The following PTP4A1 variants were observed in gnomAD, a reference collection of about 807,000 sequenced individuals.
PTP4A1 encodes protein tyrosine phosphatase 4A1.
Under a neutral mutation model 20.5 loss-of-function variants are expected in PTP4A1, and 9 were observed. That is an observed-to-expected ratio of 0.44 (90% CI 0.26 to 0.77). The LOEUF is 0.77. PTP4A1 is among the 30% of genes least tolerant of loss of function. PTP4A1 has a pLI of 0.19. For synonymous variants in PTP4A1, 78 were observed against 67.4 expected (o/e 1.16, Z -0.77); for missense variants, 137 against 218.8 (o/e 0.63, Z 2.36).
At chr6:63,541,649 G>A (rs185385826) in intron 2 of PTP4A1, among the ~76,000 whole-genome samples, 125 of 152,254 alleles carry the variant, frequency 8.2e-4, no homozygotes, top group African/African-American at 2.9e-3. Flanking sequence ...CCCCTTGATT[G>A]ATGAACTTAC....
intron 3 of PTP4A1, among the ~76,000 whole-genome samples, chr6:63,564,003 G>A (rs1777076374): frequency 6.6e-6 from 1 of 152,172 alleles, no homozygotes; most frequent in Admixed American, 6.5e-5. Flanking sequence ...TATATTTAAT[G>A]GTGGCTCACG....
rs558527340 is a variant in PTP4A1, at chr6:63,580,860, C to T, written c.*686C>T. On this transcript the variant is annotated 3_prime_UTR_variant, in exon 6 of 6. Transcript: ENST00000626021. ...CAGAAGCACATGTCTTTAATGTCTT[C>T]AGACAAAAAAGCCTTACATTAATTT... 1 of 152,180 alleles carries T rather than the reference C, an allele frequency of 6.6e-6. No individual in the cohort carries two copies. Among genetic ancestry groups the T allele is most frequent in the African/African-American group, 2.4e-5 (1 of 41,290 alleles). The allele number at this position is 152,180 out of a possible 1,614,324, so 9.4% of individuals were successfully genotyped here.
chr6:63,543,480 A>T (rs1414965986), intron 2 of PTP4A1, among the ~76,000 whole-genome samples: 1 of 152,238 alleles, frequency 6.6e-6, no homozygotes, highest in Admixed American at 6.5e-5. Flanking sequence ...TATCTAACTT[A>T]TTCACCATTT....
At chr6:63,578,768 G>A (rs1407211231) in intron 3 of PTP4A1, 130 bp from the exon 4 acceptor site, 3 of 1,128,672 alleles carry the variant, frequency 2.7e-6, no homozygotes, top group Non-Finnish European at 3.6e-6. Context: ...TAGACAACAG[G>A]GTTTAATAAG....
chr6:63,572,786 C>A, intron 1 of PTP4A1, 67 bp downstream of exon 1: 1 of 397,970 alleles, frequency 2.5e-6, no homozygotes, highest in South Asian at 1.3e-4. Context: ...TCCCCGCTGT[C>A]GCCTTTGTTC....
chr6:63,577,622 TCTC>T (rs1243563782), intron 2 of PTP4A1, among the ~76,000 whole-genome samples: 1 of 152,114 alleles, frequency 6.6e-6, no homozygotes, highest in Non-Finnish European at 1.5e-5. Flanking sequence ...AGTGGCATGA[TCTC>T]AGCCCACTGC....
At chr6:63,577,024 A>G (rs1777908185) in intron 2 of PTP4A1, 39 bp downstream of exon 2, 1 of 1,493,296 alleles carries the variant, frequency 6.7e-7, no homozygotes, top group Non-Finnish European at 9.3e-7. Flanking sequence ...AATTGATTGC[A>G]ATATAATAGT....
chr6:63,572,937 G>A (rs891333573), intron 1 of PTP4A1, among the ~76,000 whole-genome samples: 2 of 152,176 alleles, frequency 1.3e-5, no homozygotes, highest in Non-Finnish European at 2.9e-5. Flanking sequence ...GGGCTGCGGG[G>A]TGGCGGTTGG....
At chr6:63,532,881 T>A (rs1025958808) in intron 2 of PTP4A1, among the ~76,000 whole-genome samples, 2 of 152,232 alleles carry the variant, frequency 1.3e-5, no homozygotes, top group Non-Finnish European at 2.9e-5. Context: ...GATCAAATTA[T>A]ATCTGCTTTT....
At chr6:63,579,362 T>C in intron 5 of PTP4A1, 31 bp downstream of exon 5, 1 of 1,502,798 alleles carries the variant, frequency 6.7e-7, no homozygotes, top group Non-Finnish European at 9.1e-7. Flanking sequence ...TCATTTGTAC[T>C]CTCTTTCATT....
At chr6:63,560,394 C>A (rs1581936673) in intron 3 of PTP4A1, among the ~76,000 whole-genome samples, 1 of 142,736 alleles carries the variant, frequency 7.0e-6, no homozygotes. Context: ...AAAAACAAAA[C>A]ACAAAGCCTT....
Position 63,579,058 on chromosome 6 carries a change from TAA to T in PTP4A1, c.329+34_329+35del, listed in dbSNP as rs1363817254. On this transcript the variant is annotated intron_variant, in intron 4 of 5. Transcript: ENST00000626021. Reference sequence around the variant, plus strand: ...ATGAATTTATCAATTTGATTCTAGGTAAAAATCTATTGATAATGAAAATACAG... The same window carrying T: ...ATGAATTTATCAATTTGATTCTAGGTAAATCTATTGATAATGAAAATACAG... 4.5e-6 allele frequency: 7 copies of T among 1,540,292 alleles called. No homozygotes were observed. In the Admixed American group the frequency reaches 1.6e-4, roughly 35 times the overall value.
At chr6:63,563,675 A>G (rs1424799507) in intron 3 of PTP4A1, among the ~76,000 whole-genome samples, 4 of 152,222 alleles carry the variant, frequency 2.6e-5, no homozygotes, top group African/African-American at 9.6e-5. Flanking sequence ...AGTGCCTGGC[A>G]TATGCTAGGC....
At chr6:63,556,748 TA>T (rs1345625076) in intron 3 of PTP4A1, among the ~76,000 whole-genome samples, 1 of 152,206 alleles carries the variant, frequency 6.6e-6, no homozygotes, top group Non-Finnish European at 1.5e-5. Flanking sequence ...TTTCAAAGAA[TA>T]AAAAGTATGA....
At chr6:63,535,143 T>G (rs1299323132) in intron 2 of PTP4A1, among the ~76,000 whole-genome samples, 1 of 151,994 alleles carries the variant, frequency 6.6e-6, no homozygotes, top group Admixed American at 6.6e-5. Flanking sequence ...GTGGTCCCTG[T>G]GGATGAAGAA....
chr6:63,548,806 G>A (rs149589978), intron 2 of PTP4A1: 31 of 735,684 alleles, frequency 4.2e-5, no homozygotes, highest in African/African-American at 3.1e-4. Flanking sequence ...CCCCAGTGAC[G>A]GCGGATCTCA....
At chr6:63,526,634 CCT>C (rs1775190586) in intron 1 of PTP4A1, among the ~76,000 whole-genome samples, 1 of 151,408 alleles carries the variant, frequency 6.6e-6, no homozygotes, top group African/African-American at 2.4e-5. Flanking sequence ...ATGGTGAAAC[CCT>C]GTCTCTACTA....
chr6:63,525,382 G>C (rs1339808269), intron 1 of PTP4A1, among the ~76,000 whole-genome samples: 1 of 152,182 alleles, frequency 6.6e-6, no homozygotes, highest in Non-Finnish European at 1.5e-5. Flanking sequence ...GAACAGACGG[G>C]AGGAAGGAGG....
rs548116010 is a variant in PTP4A1 at position 63,539,818 on chromosome 6, A to G, written c.-639-10482A>G. On this transcript the variant is annotated intron_variant, in intron 2 of 3. Transcript: ENST00000639568. ...ATGAATAGGCAATCTTCAGAAAAAA[A>G]CTCAAAAGTTCAGCAAATGTGTGAA... Among the ~76,000 whole-genome samples the G allele has an allele frequency of 2.6e-5, 4 of 152,296 alleles. No homozygotes were observed. In the South Asian group the frequency reaches 6.2e-4, roughly 24 times the overall value.
Sources: gnomAD v4.1 joint callset for allele counts (sites outside exome capture counted in the v4.1 genomes callset) on GRCh38, gnomAD v4.1.1 for gene constraint, MANE v1.5 for transcripts, NCBI Gene and HGNC (gene_info 2026-07-23, HGNC 2026-07-21) for gene names.